ABCA10: variants seen among roughly 807,000 people sequenced by gnomAD.
The protein encoded by ABCA10 is ATP binding cassette subfamily A member 10, also known as ATP-binding cassette sub-family A member 10.
In ABCA10, 169 loss-of-function variants were observed where a neutral mutation model predicts 187.5. The ratio of observed to expected loss-of-function variants is 0.90; its 90% CI spans 0.80 to 1.02. The LOEUF is 1.02. Ranked by LOEUF, ABCA10 falls within the 50% of genes least tolerant of loss-of-function variation. The pLI is 0.00. For missense variants in ABCA10, 1,727 were observed against 1,812.4 expected, an observed-to-expected ratio of 0.95 and a Z score of 0.86; for synonymous variants, 574 against 601.8, an observed-to-expected ratio of 0.95 and a Z score of 0.68.
At chr17:69,240,328 T>C (rs1247291276) in intron 1 of ABCA10, among the ~76,000 whole-genome samples, 1 of 152,188 alleles carries the variant, frequency 6.6e-6, no homozygotes, top group Non-Finnish European at 1.5e-5. Flanking sequence ...GATCCTGGAA[T>C]GGGGCTTGTA....
chr17:69,242,194 C>T (rs1435612459), intron 1 of ABCA10, among the ~76,000 whole-genome samples: 3 of 152,200 alleles, frequency 2.0e-5, no homozygotes, highest in Admixed American at 1.3e-4. Context: ...ATATCAACTA[C>T]ATCATAATCA....
At chr17:69,216,178 T>G in intron 7 of ABCA10, 39 bp downstream of exon 7, 1 of 1,579,924 alleles carries the variant, frequency 6.3e-7, no homozygotes, top group Non-Finnish European at 8.6e-7. Context: ...ATCTGTAATC[T>G]GAAACAGGTT....
At chr17:69,193,764 G>C (rs1369789939) in intron 13 of ABCA10, 50 bp downstream of exon 13, 5 of 1,587,060 alleles carry the variant, frequency 3.2e-6, no homozygotes, top group Non-Finnish European at 3.4e-6. Flanking sequence ...AAAATATATA[G>C]TCAAAAGTAA....
intron 26 of ABCA10, among the ~76,000 whole-genome samples, chr17:69,164,667 T>C (rs1344460907): frequency 6.6e-6 from 1 of 152,142 alleles, no homozygotes; most frequent in Admixed American, 6.5e-5. Context: ...AGAGCATGTT[T>C]TATAACAATG....
rs372713677 is a variant in ABCA10 at position 69,210,343 on chromosome 17, C to T, written c.1006+4361G>A. ...TAGCTGGGACTACAGGCGCCCGCCA[C>T]CGCGCCCGGCTAATTTTTTGTATTT... On this transcript the variant is annotated intron_variant, in intron 9 of 38. Transcript: ENST00000690296. 7.6e-4 allele frequency among the ~76,000 whole-genome samples: 113 copies of T among 149,400 alleles called. 1 individual carries two copies. The East Asian group carries it at 0.019, about 25-fold the overall frequency.
intron 36 of ABCA10, chr17:69,150,322 C>G: frequency 2.9e-6 from 1 of 344,862 alleles, no homozygotes; most frequent in Non-Finnish European, 5.3e-6. Flanking sequence ...TCAGCCTGCA[C>G]TTTGTTATTG....
upstream of ABCA10, chr17:69,233,113 T>C (rs2074842507): frequency 6.6e-6 from 1 of 152,196 alleles, no homozygotes; most frequent in Admixed American, 6.5e-5. Flanking sequence ...TTTCTCCAGG[T>C]TTGGAAAGTC....
intron 1 of ABCA10, among the ~76,000 whole-genome samples, chr17:69,239,845 G>A (rs568446942): frequency 2.2e-4 from 33 of 152,200 alleles, no homozygotes; most frequent in South Asian, 4.2e-4. Context: ...TTCCTTGTTC[G>A]TTTGAATTTA....
At chr17:69,161,510 G>T (rs931349396) in intron 27 of ABCA10, among the ~76,000 whole-genome samples, 6 of 152,176 alleles carry the variant, frequency 3.9e-5, no homozygotes, top group African/African-American at 1.4e-4. Flanking sequence ...AAATAGCCAT[G>T]AAGTATAATG....
intron 30 of ABCA10, among the ~76,000 whole-genome samples, chr17:69,154,598 A>G (rs1286792034): frequency 6.6e-6 from 1 of 151,524 alleles, no homozygotes; most frequent in African/African-American, 2.4e-5. Flanking sequence ...CTAATTTTTA[A>G]ATTTTTTGTA....
rs2074163157 is a variant in ABCA10 at position 69,155,044 on chromosome 17, T to C, written c.3669A>G (p.Arg1223=). 1.2e-6 allele frequency: 2 copies of C among 1,603,586 alleles called. No homozygotes were observed. The highest frequency in any genetic ancestry group is 1.3e-5 in the African/African-American group (1 of 74,634). ...CTTTTTTAACACAAAAGGAAACATT[T>C]CTGATGGCTATTTTCTTCTTTCTTG... ...FSTRKKKIAI[R]NVSFCVKKGE... is the part of the protein sequence containing the mutation. The change falls in exon 30 of 39, where the codon AGA becomes AGG. Residue 1223 remains arginine (R), a synonymous_variant. Coordinates refer to ENST00000690296, the MANE Select transcript of ABCA10 (RefSeq NM_001377321.1).
chr17:69,208,011 ACAT>A (rs2074604329), intron 9 of ABCA10, among the ~76,000 whole-genome samples: 1 of 152,248 alleles, frequency 6.6e-6, no homozygotes. Context: ...CTATTTCAAA[ACAT>A]CATGTGTACA....
chr17:69,163,942 C>T, intron 27 of ABCA10, 132 bp downstream of exon 27: 1 of 574,860 alleles, frequency 1.7e-6, no homozygotes, highest in Non-Finnish European at 2.9e-6. Context: ...TTCTTGCTGC[C>T]ATTATATTGG....
chr17:69,242,380 T>C (rs1598136982), intron 1 of ABCA10, among the ~76,000 whole-genome samples: 1 of 152,228 alleles, frequency 6.6e-6, no homozygotes, highest in Non-Finnish European at 1.5e-5. Flanking sequence ...AAAATGACTA[T>C]AGTATTATGG....
At position 69,187,716 on chromosome 17, in the gene ABCA10, TAAG is replaced by T. The variant is rs1391978787; in HGVS notation, c.2292_2294del (p.Phe764del). 6.2e-7 allele frequency: 1 copy of T among 1,613,738 alleles called. No homozygotes were observed. Among genetic ancestry groups the T allele is most frequent in the Non-Finnish European group, 8.5e-7 (1 of 1,179,744 alleles). On this transcript the variant is annotated inframe_deletion, in exon 19 of 39. Coordinates refer to ENST00000690296, the MANE Select transcript of ABCA10 (RefSeq NM_001377321.1). ...GAGCTCTCCTTTCACGCCTTAACTT[TAAG>T]AAGCGAAGTGTTGCCACTGCATAGA...
At position 69,225,313 on chromosome 17, in the gene ABCA10, T is replaced by G; in HGVS notation, c.34+12A>C. 6.2e-7 allele frequency: 1 copy of G among 1,612,882 alleles called. No homozygotes were observed. The highest frequency in any genetic ancestry group is 8.5e-7 in the Non-Finnish European group (1 of 1,179,076). ...CACATAATACTGAAACATTGGTTAT[T>G]GGACAACACACCTTTCATAAAGGAA... On this transcript the variant is annotated intron_variant, in intron 3 of 38. Coordinates refer to ENST00000690296, the MANE Select transcript of ABCA10 (RefSeq NM_001377321.1).
At chr17:69,170,154 G>A (rs1173786580) in intron 25 of ABCA10, among the ~76,000 whole-genome samples, 1 of 151,796 alleles carries the variant, frequency 6.6e-6, no homozygotes. Context: ...TGGGCATGGT[G>A]GCGCACACCT....
Position 69,214,812 on chromosome 17 carries a change from GA to G in ABCA10, c.897del (p.Pro300LeufsTer10). On this transcript the variant is annotated frameshift_variant, in exon 9 of 39. Transcript: ENST00000690296. LOFTEE classifies it high-confidence loss of function. The part of the protein sequence containing the change: ...HLDNYLSGVI[F>X]PDPSGDSYKM... Reference sequence around the variant, plus strand: ...TTGTATGAATCCCCAGAGGGATCAGGAAAAATAACACCACTTAAGTAATTAT... The same window carrying G: ...TTGTATGAATCCCCAGAGGGATCAGGAAAATAACACCACTTAAGTAATTAT... 6.6e-7 allele frequency: 1 copy of G among 1,504,654 alleles called. No individual in the cohort carries two copies. The highest frequency in any genetic ancestry group is 8.8e-7 in the Non-Finnish European group (1 of 1,131,650). The allele number at this position is 1,504,654 out of a possible 1,614,324, so 93.2% of individuals were successfully genotyped here.
intron 20 of ABCA10, among the ~76,000 whole-genome samples, chr17:69,183,425 C>T (rs1046200671): frequency 6.6e-6 from 1 of 152,106 alleles, no homozygotes. Context: ...GAATCAACCA[C>T]CCCCGCACCA....
Sources: gnomAD v4.1 joint callset for allele counts (sites outside exome capture counted in the v4.1 genomes callset) on GRCh38, gnomAD v4.1.1 for gene constraint, MANE v1.5 for transcripts, NCBI Gene and HGNC (gene_info 2026-07-23, HGNC 2026-07-21) for gene names.